ANTXR2: variants seen among roughly 807,000 people sequenced by gnomAD.
The protein encoded by ANTXR2 is anthrax toxin receptor 2.
Under a neutral mutation model 73.7 loss-of-function variants are expected in ANTXR2, and 44 were observed. That is an observed-to-expected ratio of 0.60 (90% CI 0.47 to 0.77). ANTXR2 has a LOEUF of 0.77. Among genes scored for constraint, ANTXR2 ranks in the 30% least tolerant of loss-of-function variants. The pLI, the probability that ANTXR2 is intolerant of heterozygous loss-of-function variation, is 0.00. For synonymous variants in ANTXR2, 217 were observed against 205.9 expected (o/e 1.05, Z -0.46); for missense variants, 604 against 592.5 (o/e 1.02, Z -0.20).
At chr4:80,060,654 C>G (rs151315363) in intron 3 of ANTXR2, among the ~76,000 whole-genome samples, 7 of 152,086 alleles carry the variant, frequency 4.6e-5, no homozygotes, top group Non-Finnish European at 7.4e-5. Context: ...TTATAAATGT[C>G]CTATTTTGTT....
At chr4:79,918,500 AC>A (rs1334035478) in intron 16 of ANTXR2, among the ~76,000 whole-genome samples, 27 of 152,244 alleles carry the variant, frequency 1.8e-4, no homozygotes, top group Non-Finnish European at 1.5e-5. Context: ...GGTGATAAGC[AC>A]GACAGTTGAC....
chr4:80,001,002 A>T (rs938665930), intron 12 of ANTXR2, among the ~76,000 whole-genome samples: 3 of 152,064 alleles, frequency 2.0e-5, no homozygotes, highest in Non-Finnish European at 4.4e-5. Flanking sequence ...ACTTCTGAAA[A>T]TTGTAAACCC....
intron 16 of ANTXR2, among the ~76,000 whole-genome samples, chr4:79,947,878 C>A (rs988943858): frequency 6.6e-6 from 1 of 151,994 alleles, no homozygotes. Flanking sequence ...TTGGCCCTAC[C>A]TTTTCATTAC....
rs938790728 is a variant in ANTXR2, at chr4:79,944,947, T to C, written c.1428+32674A>G. Among the ~76,000 whole-genome samples the C allele has an allele frequency of 1.1e-4, 16 of 152,280 alleles. 1 individual carries two copies. The highest frequency in any genetic ancestry group is 1.0e-3 in the Admixed American group (16 of 15,268). On this transcript the variant is annotated intron_variant, in intron 16 of 16. Coordinates refer to ENST00000403729, the MANE Select transcript of ANTXR2 (RefSeq NM_058172.6). ...CACTTCAATTTTCTACTCTAAGTTT[T>C]CTAAAATCAAGCATAAATGCATTTG...
chr4:79,988,658 C>T (rs1399742170), intron 12 of ANTXR2, among the ~76,000 whole-genome samples: 1 of 151,996 alleles, frequency 6.6e-6, no homozygotes, highest in Non-Finnish European at 1.5e-5. Flanking sequence ...ACCTAACAGA[C>T]ATCAACAGAA....
At chr4:80,045,579 GTT>G (rs137994910) in intron 7 of ANTXR2, among the ~76,000 whole-genome samples, 11 of 142,430 alleles carry the variant, frequency 7.7e-5, no homozygotes, top group African/African-American at 1.8e-4. Flanking sequence ...AAAAAGCAAG[GTT>G]TTTTTTTTTT....
At chr4:80,026,865 C>T (rs1732470762) in intron 10 of ANTXR2, among the ~76,000 whole-genome samples, 1 of 152,050 alleles carries the variant, frequency 6.6e-6, no homozygotes, top group Admixed American at 6.6e-5. Flanking sequence ...GCCACCCCTC[C>T]AGGTGTTCAT....
intron 5 of ANTXR2, 68 bp from the exon 6 acceptor site, chr4:80,055,286 T>C: frequency 6.5e-7 from 1 of 1,549,100 alleles, no homozygotes; most frequent in Non-Finnish European, 8.8e-7. Flanking sequence ...ATTATTCAAA[T>C]ATCAAGCTAT....
At chr4:79,910,028 T>C (rs538470350) in intron 16 of ANTXR2, among the ~76,000 whole-genome samples, 9 of 152,340 alleles carry the variant, frequency 5.9e-5, no homozygotes, top group South Asian at 2.1e-4. Flanking sequence ...GTATGTCTTC[T>C]AGCCTCTGCC....
At chr4:80,010,922 C>T (rs1034247919) in intron 11 of ANTXR2, among the ~76,000 whole-genome samples, 2 of 151,846 alleles carry the variant, frequency 1.3e-5, no homozygotes, top group African/African-American at 2.4e-5. Context: ...TTGAGGTGGG[C>T]GGATCACAAG....
rs150709167 is a variant in ANTXR2, at chr4:79,936,794, A to G, written c.1429-29327T>C. Reference sequence around the variant, plus strand: ...ATTATTAATTGCACTATGGGTTATAATCACCTTTTTTGTGCTTATAATCAT... The same window carrying G: ...ATTATTAATTGCACTATGGGTTATAGTCACCTTTTTTGTGCTTATAATCAT... On this transcript the variant is annotated intron_variant, in intron 16 of 16. Coordinates refer to ENST00000403729, the MANE Select transcript of ANTXR2 (RefSeq NM_058172.6). Among the ~76,000 whole-genome samples the G allele has an allele frequency of 2.3e-4, 35 of 152,296 alleles. 1 individual carries two copies. The East Asian group carries it at 5.8e-3, about 25-fold the overall frequency.
intron 16 of ANTXR2, among the ~76,000 whole-genome samples, chr4:79,911,623 T>C (rs1156257227): frequency 1.3e-5 from 2 of 151,898 alleles, no homozygotes; most frequent in Non-Finnish European, 2.9e-5. Context: ...GAGCAAGAGT[T>C]AAAATGAATG....
Position 79,961,210 on chromosome 4 carries a change from AATTT to A in ANTXR2, c.1428+16407_1428+16410del, listed in dbSNP as rs1729127533. Among the ~76,000 whole-genome samples the A allele has an allele frequency of 3.3e-5, 5 of 152,090 alleles. No individual in the cohort carries two copies. In the South Asian group the frequency reaches 1.0e-3, roughly 32 times the overall value. On this transcript the variant is annotated intron_variant, in intron 16 of 16. Coordinates refer to ENST00000403729, the MANE Select transcript of ANTXR2 (RefSeq NM_058172.6). ...TCTGTAAATTATTAGAAATTATAGTAATTTATTTAAATATATATTTAAGCCTCTG... is the reference window on the plus strand; with the variant it reads ...TCTGTAAATTATTAGAAATTATAGTAATTTAAATATATATTTAAGCCTCTG...
intron 12 of ANTXR2, among the ~76,000 whole-genome samples, chr4:80,006,510 T>C (rs1731308070): frequency 1.3e-5 from 2 of 152,136 alleles, no homozygotes; most frequent in Non-Finnish European, 2.9e-5. Context: ...AAAGGAAGTT[T>C]CCTCTATTAA....
At chr4:80,061,391 C>T (rs764372279) in intron 3 of ANTXR2, among the ~76,000 whole-genome samples, 1 of 151,592 alleles carries the variant, frequency 6.6e-6, no homozygotes, top group Non-Finnish European at 1.5e-5. Context: ...TGTCAAATGC[C>T]AATTTATATA....
chr4:79,927,011 A>G (rs1345702633), intron 16 of ANTXR2, among the ~76,000 whole-genome samples: 1 of 145,322 alleles, frequency 6.9e-6, no homozygotes, highest in Non-Finnish European at 1.5e-5. Context: ...ACACGTGTGC[A>G]TATATACATA....
intron 12 of ANTXR2, among the ~76,000 whole-genome samples, chr4:79,992,033 A>T (rs1041715773): frequency 6.6e-6 from 1 of 151,962 alleles, no homozygotes; most frequent in Non-Finnish European, 1.5e-5. Context: ...GGGTGATGAA[A>T]TCATTTGTAC....
intron 11 of ANTXR2, among the ~76,000 whole-genome samples, chr4:80,010,258 A>G (rs1731508629): frequency 1.3e-5 from 2 of 152,216 alleles, no homozygotes; most frequent in South Asian, 4.1e-4. Context: ...ATTAAGCTCT[A>G]AAATCTAGGC....
rs539919261 is a variant in ANTXR2, at chr4:80,028,566, A to C, written c.866+3057T>G. Among the ~76,000 whole-genome samples the C allele has an allele frequency of 3.3e-5, 5 of 152,276 alleles. No individual in the cohort carries two copies. In the South Asian group the frequency reaches 1.0e-3, roughly 32 times the overall value. ...GAGGCTCTCTGTCTAGGGTTACTTCACCAGCATGTTGTTAATTATTTAAGT... is the reference window on the plus strand; with the variant it reads ...GAGGCTCTCTGTCTAGGGTTACTTCCCCAGCATGTTGTTAATTATTTAAGT... On this transcript the variant is annotated intron_variant, in intron 10 of 16. Coordinates refer to ENST00000403729, the MANE Select transcript of ANTXR2 (RefSeq NM_058172.6).
Sources: gnomAD v4.1 joint callset for allele counts (sites outside exome capture counted in the v4.1 genomes callset) on GRCh38, gnomAD v4.1.1 for gene constraint, MANE v1.5 for transcripts, NCBI Gene and HGNC (gene_info 2026-07-23, HGNC 2026-07-21) for gene names.